Variants in TPX2 observed in about 807,000 individuals in gnomAD.
The protein encoded by TPX2 is targeting protein for Xklp2.
Under a neutral mutation model 93.6 loss-of-function variants are expected in TPX2, and 21 were observed. The ratio of observed to expected loss-of-function variants is 0.22; its 90% CI spans 0.16 to 0.32. The LOEUF (loss-of-function observed/expected upper bound fraction) is 0.32, where lower values mean the gene tolerates loss of function less well. TPX2 is among the 10% of genes least tolerant of loss of function. The pLI is 1.00. For synonymous variants in TPX2, 281 were observed against 298.3 expected (o/e 0.94, Z 0.60); for missense variants, 776 against 871.1 (o/e 0.89, Z 1.37).
At chr20:31,754,346 G>A (rs977857009) in intron 2 of TPX2, among the ~76,000 whole-genome samples, 2 of 152,134 alleles carry the variant, frequency 1.3e-5, no homozygotes, top group African/African-American at 2.4e-5. Flanking sequence ...CTCCCAAAGT[G>A]CTGGGATTAC....
intron 4 of TPX2, among the ~76,000 whole-genome samples, chr20:31,761,168 C>G (rs1007137483): frequency 1.3e-5 from 2 of 151,794 alleles, no homozygotes. Flanking sequence ...ACTACTCTCA[C>G]CTCCCTCCTG....
intron 5 of TPX2, 90 bp downstream of exon 5, chr20:31,766,772 T>C: frequency 3.0e-6 from 4 of 1,315,978 alleles, no homozygotes; most frequent in Non-Finnish European, 4.1e-6. Flanking sequence ...GTCTATACTG[T>C]GTTTATGGAC....
At chr20:31,794,829 G>A (rs1216130070) in intron 15 of TPX2, among the ~76,000 whole-genome samples, 2 of 150,690 alleles carry the variant, frequency 1.3e-5, no homozygotes, top group African/African-American at 4.9e-5. Context: ...TGTTGTTGTT[G>A]TTGTTTTTTG....
chr20:31,794,127 G>C, intron 14 of TPX2, 103 bp downstream of exon 14: 1 of 1,258,360 alleles, frequency 7.9e-7, no homozygotes, highest in Non-Finnish European at 1.1e-6. Flanking sequence ...GACTTCTTTT[G>C]ATCTTTCTAA....
chr20:31,793,149 A>ATTTT (rs2062113393), intron 13 of TPX2, among the ~76,000 whole-genome samples: 1 of 152,166 alleles, frequency 6.6e-6, no homozygotes. Flanking sequence ...GTTGCACTTT[A>ATTTT]TTTTGCCTTA....
intron 3 of TPX2, among the ~76,000 whole-genome samples, chr20:31,759,148 A>G (rs903382551): frequency 1.3e-5 from 2 of 152,170 alleles, no homozygotes; most frequent in Non-Finnish European, 2.9e-5. Context: ...TGCACAGGGT[A>G]GTTATTGCTG....
chr20:31,772,604 A>G (rs1399372485), intron 7 of TPX2, among the ~76,000 whole-genome samples: 1 of 152,228 alleles, frequency 6.6e-6, no homozygotes, highest in African/African-American at 2.4e-5. Flanking sequence ...ATTTTACCCA[A>G]GCCAGCATAC....
At chr20:31,755,539 G>T (rs1418942950) in intron 2 of TPX2, among the ~76,000 whole-genome samples, 1 of 151,556 alleles carries the variant, frequency 6.6e-6, no homozygotes, top group Non-Finnish European at 1.5e-5. Context: ...CGAGGTGGGT[G>T]GATCACTTGA....
intron 7 of TPX2, among the ~76,000 whole-genome samples, chr20:31,774,971 G>A (rs35726816): frequency 1.2e-3 from 189 of 152,164 alleles, no homozygotes; most frequent in Non-Finnish European, 2.2e-3. Context: ...TGCTGTTGTT[G>A]TTTTTGGAGA....
rs1350695085 is a variant in TPX2, at chr20:31,770,435, T to A, written c.449T>A (p.Ile150Asn). Residue 150 changes from isoleucine to asparagine, a missense_variant, in exon 6 of 18, where the codon ATC (isoleucine) becomes AAC (asparagine). This residue lies in a region of TPX2 where 279 missense variants were observed against 261.6 expected (regional missense o/e 1.07). Transcript: ENST00000300403. ...GCCAAGAGATGTGCCACTCCTGTAA[T>A]CATCGATGAAATTCTACCCTCTAAG... Reference protein sequence around the residue: ...MKAKRCATPVIIDEILPSKKM... With the variant: ...MKAKRCATPVNIDEILPSKKM... 2 of 1,601,108 alleles carry A rather than the reference T, an allele frequency of 1.2e-6. No individual in the cohort carries two copies. The highest frequency in any genetic ancestry group is 2.7e-5 in the African/African-American group (2 of 74,446).
intron 7 of TPX2, among the ~76,000 whole-genome samples, chr20:31,775,179 G>A (rs1193533535): frequency 3.9e-5 from 6 of 151,942 alleles, no homozygotes; most frequent in Non-Finnish European, 8.8e-5. Flanking sequence ...GGTTGGTCTC[G>A]AACTCCTGAC....
chr20:31,747,643 A>G (rs889032781), intron 2 of TPX2, among the ~76,000 whole-genome samples: 1 of 152,138 alleles, frequency 6.6e-6, no homozygotes. Flanking sequence ...CTATTTTTCC[A>G]TGCAGAATAT....
At chr20:31,779,431 T>G (rs1344360467) in intron 10 of TPX2, among the ~76,000 whole-genome samples, 1 of 152,224 alleles carries the variant, frequency 6.6e-6, no homozygotes, top group African/African-American at 2.4e-5. Flanking sequence ...ATAGACTTGG[T>G]GCTACTCAAC....
At chr20:31,788,996 A>G (rs2062084119) in intron 12 of TPX2, among the ~76,000 whole-genome samples, 1 of 151,668 alleles carries the variant, frequency 6.6e-6, no homozygotes. Context: ...AGGGAGAGGT[A>G]TTCACCTCCC....
intron 8 of TPX2, among the ~76,000 whole-genome samples, chr20:31,776,478 T>C (rs1233749547): frequency 6.6e-6 from 1 of 152,136 alleles, no homozygotes; most frequent in Non-Finnish European, 1.5e-5. Flanking sequence ...TTTCTACATA[T>C]ATTGGTATTT....
intron 12 of TPX2, among the ~76,000 whole-genome samples, chr20:31,791,706 A>G (rs2062102406): frequency 6.6e-6 from 1 of 152,236 alleles, no homozygotes; most frequent in Admixed American, 6.5e-5. Flanking sequence ...GGAGACTAGC[A>G]GAATGGCACA....
intron 17 of TPX2, among the ~76,000 whole-genome samples, chr20:31,799,709 G>A (rs1376464859): frequency 6.6e-6 from 1 of 151,910 alleles, no homozygotes; most frequent in African/African-American, 2.4e-5. Context: ...AGACCAGCCT[G>A]GCCAAAATGG....
intron 2 of TPX2, among the ~76,000 whole-genome samples, chr20:31,745,420 C>T (rs2061778048): frequency 6.6e-6 from 1 of 151,412 alleles, no homozygotes; most frequent in Admixed American, 6.6e-5. Context: ...ACCTCTGCCT[C>T]CCTGGTTCAA....
intron 2 of TPX2, among the ~76,000 whole-genome samples, chr20:31,753,031 CA>C (rs562950859): frequency 1.6e-4 from 24 of 152,164 alleles, no homozygotes; most frequent in African/African-American, 5.8e-4. Flanking sequence ...GAACCACTGA[CA>C]AAAAGCTTAT....
Sources: gnomAD v4.1 joint callset for allele counts (sites outside exome capture counted in the v4.1 genomes callset) on GRCh38, gnomAD v4.1.1 for gene constraint, gnomAD v4.1.1 regional missense constraint, MANE v1.5 for transcripts, NCBI Gene and HGNC (gene_info 2026-07-23, HGNC 2026-07-21) for gene names.